NUP35: variants seen among roughly 807,000 people sequenced by gnomAD.
The protein encoded by NUP35 is nucleoporin 35.
A neutral mutation model predicts 41.5 loss-of-function variants in NUP35; 25 were observed. That is an observed-to-expected ratio of 0.60 (90% CI 0.44 to 0.84). The LOEUF (loss-of-function observed/expected upper bound fraction) is 0.84, where lower values mean the gene tolerates loss of function less well. NUP35 is among the 40% of genes least tolerant of loss of function. The pLI is 0.00. For synonymous variants in NUP35, 149 were observed against 130.7 expected (o/e 1.14, Z -0.96); for missense variants, 396 against 396.6 (o/e 1.00, Z 0.01).
chr2:183,138,498 A>G (rs1300978122), intron 4 of NUP35, among the ~76,000 whole-genome samples: 4 of 151,792 alleles, frequency 2.6e-5, no homozygotes, highest in Admixed American at 6.6e-5. Flanking sequence ...TTTTTAGAAT[A>G]TTATTTCTGG....
In NUP35 at chr2:183,133,593, CT is replaced by C. The variant is rs1490921903; in HGVS notation, c.369del (p.Val124LeufsTer42). On this transcript the variant is annotated frameshift_variant, in exon 4 of 9. Coordinates refer to ENST00000295119, the MANE Select transcript of NUP35 (RefSeq NM_138285.5). LOFTEE classifies it high-confidence loss of function. The part of the protein sequence containing the change: ...QPNISVMQSP[L>X]VGVTSTPGTG... ...AAACATTTCAGTAATGCAGAGTCCTCTTGTTGGAGTTACATCTACTCCTGGA... is the reference window on the plus strand; with the variant it reads ...AAACATTTCAGTAATGCAGAGTCCTCTGTTGGAGTTACATCTACTCCTGGA... 1 of 1,595,360 alleles carries C rather than the reference CT, an allele frequency of 6.3e-7. No homozygotes were observed. Among genetic ancestry groups the C allele is most frequent in the East Asian group, 2.3e-5 (1 of 44,140 alleles).
At chr2:183,118,131 T>C (rs188116209) in intron 1 of NUP35, among the ~76,000 whole-genome samples, 1 of 152,272 alleles carries the variant, frequency 6.6e-6, no homozygotes, top group East Asian at 1.9e-4. Context: ...TGATAATCAA[T>C]GGTCTACAAA....
chr2:183,124,539 T>G (rs768201424), intron 1 of NUP35, 42 bp downstream of exon 1: 1 of 1,612,066 alleles, frequency 6.2e-7, no homozygotes. Flanking sequence ...CTGCCATCCA[T>G]GCTCTGGGCC....
At chr2:183,129,117 A>G (rs1468446966) in intron 2 of NUP35, among the ~76,000 whole-genome samples, 1 of 152,230 alleles carries the variant, frequency 6.6e-6, no homozygotes, top group African/African-American at 2.4e-5. Flanking sequence ...AGAATAGGAA[A>G]TAATCGGTCA....
chr2:183,138,689 TCTTC>T (rs902722785), intron 4 of NUP35, among the ~76,000 whole-genome samples: 1 of 152,182 alleles, frequency 6.6e-6, no homozygotes, highest in Non-Finnish European at 1.5e-5. Flanking sequence ...CTGCTTTTCT[TCTTC>T]CTTTATATTT....
At chr2:183,145,619 A>G (rs949876222) in intron 4 of NUP35, among the ~76,000 whole-genome samples, 5 of 152,220 alleles carry the variant, frequency 3.3e-5, no homozygotes, top group African/African-American at 1.2e-4. Context: ...AGAATTTTTA[A>G]AAGTTTAATA....
intron 5 of NUP35, among the ~76,000 whole-genome samples, chr2:183,155,899 G>A (rs947854055): frequency 3.3e-5 from 5 of 151,756 alleles, no homozygotes; most frequent in Non-Finnish European, 5.9e-5. Context: ...TTTTACTTTC[G>A]TGTTTTAATA....
At chr2:183,122,312 G>A (rs1174727345), upstream of NUP35, among the ~76,000 whole-genome samples, 6 of 151,958 alleles carry the variant, frequency 3.9e-5, no homozygotes, top group Non-Finnish European at 7.4e-5. Context: ...TCCTGACCTC[G>A]TGATCCGCCC....
intron 3 of NUP35, among the ~76,000 whole-genome samples, chr2:183,132,056 C>T (rs1378531423): frequency 6.6e-6 from 1 of 152,068 alleles, no homozygotes; most frequent in East Asian, 1.9e-4. Context: ...CAGGGTCTTG[C>T]TCTATCACCC....
At position 183,146,794 on chromosome 2, in the gene NUP35, G is replaced by A. The variant is rs141543020; in HGVS notation, c.398-4714G>A. 8.8e-3 allele frequency among the ~76,000 whole-genome samples: 1,341 copies of A among 151,974 alleles called. 10 individuals carry two copies. Among genetic ancestry groups the A allele is most frequent in the Non-Finnish European group, 0.014 (938 of 67,930 alleles). ...GTATTTTTAGTAGAGATGGGGTTTCGCCATGTTGTCCAGGCTTGTCTCGAA... is the reference window on the plus strand; with the variant it reads ...GTATTTTTAGTAGAGATGGGGTTTCACCATGTTGTCCAGGCTTGTCTCGAA... On this transcript the variant is annotated intron_variant, in intron 4 of 8. Transcript: ENST00000295119.
intron 4 of NUP35, 143 bp from the exon 5 acceptor site, chr2:183,151,365 C>G (rs1031701538): frequency 2.1e-5 from 13 of 613,756 alleles, no homozygotes; most frequent in African/African-American, 1.9e-4. Flanking sequence ...CATGAAATTG[C>G]TATTTGACCA....
chr2:183,159,194 ATTT>A (rs1559158059), intron 7 of NUP35, among the ~76,000 whole-genome samples: 1 of 152,020 alleles, frequency 6.6e-6, no homozygotes, highest in Non-Finnish European at 1.5e-5. Flanking sequence ...TTCCCTAAGA[ATTT>A]TTTTGTCCTT....
At position 183,128,284 on chromosome 2, in the gene NUP35, T is replaced by G. The variant is rs757548010; in HGVS notation, c.41-3T>G. Reference sequence around the variant, plus strand: ...TCCTTAATTTATTTTTTGATTCATGTAGGATCTGAACCAATGATGCTGGGT... The same window carrying G: ...TCCTTAATTTATTTTTTGATTCATGGAGGATCTGAACCAATGATGCTGGGT... On this transcript the variant is annotated splice_polypyrimidine_tract_variant and splice_region_variant and intron_variant, in intron 1 of 8. Coordinates refer to ENST00000295119, the MANE Select transcript of NUP35 (RefSeq NM_138285.5). 5 of 1,594,274 alleles carry G rather than the reference T, an allele frequency of 3.1e-6. No homozygotes were observed. The South Asian group carries it at 5.7e-5, about 18-fold the overall frequency.
At chr2:183,125,485 A>G (rs991330736) in intron 1 of NUP35, among the ~76,000 whole-genome samples, 4 of 152,206 alleles carry the variant, frequency 2.6e-5, no homozygotes, top group Non-Finnish European at 5.9e-5. Context: ...GGTGTAAAAT[A>G]AGTTCTTTTT....
chr2:183,151,498 A>G lies in NUP35; in HGVS notation c.398-10A>G. ...CACTGGCAACTAACTTGCTAAATAT[A>G]CTAATATAGGGCAAAGTATGTTTAG... On this transcript the variant is annotated splice_polypyrimidine_tract_variant and intron_variant, in intron 4 of 8. Coordinates refer to ENST00000295119, the MANE Select transcript of NUP35 (RefSeq NM_138285.5). 1 of 1,611,634 alleles carries G rather than the reference A, an allele frequency of 6.2e-7. No homozygotes were observed. The highest frequency in any genetic ancestry group is 1.1e-5 in the South Asian group (1 of 90,420).
intron 1 of NUP35, among the ~76,000 whole-genome samples, chr2:183,125,242 GA>G (rs57773201): frequency 2.0e-5 from 3 of 151,548 alleles, no homozygotes; most frequent in Non-Finnish European, 4.4e-5. Flanking sequence ...TGTCGTCTTT[GA>G]AAAAAATCTA....
rs1179239737 is a variant in NUP35, at chr2:183,150,792, T to G, written c.398-716T>G. Among the ~76,000 whole-genome samples the G allele has an allele frequency of 7.2e-5, 11 of 152,334 alleles. No individual in the cohort carries two copies. The East Asian group carries it at 2.1e-3, about 29-fold the overall frequency. ...TGCATATTTAAGTGCTGATAAAATA[T>G]GTTTTGAATGAGTAAATCATTATTG... On this transcript the variant is annotated intron_variant, in intron 4 of 8. Coordinates refer to ENST00000295119, the MANE Select transcript of NUP35 (RefSeq NM_138285.5).
intron 4 of NUP35, among the ~76,000 whole-genome samples, chr2:183,148,038 G>A (rs994630227): frequency 6.6e-6 from 1 of 151,968 alleles, no homozygotes; most frequent in South Asian, 2.1e-4. Context: ...TTAAGCACTC[G>A]CTTATGAGTG....
chr2:183,130,335 G>A (rs1684651802), intron 2 of NUP35, 83 bp from the exon 3 acceptor site: 2 of 1,359,710 alleles, frequency 1.5e-6, no homozygotes, highest in African/African-American at 3.0e-5. Flanking sequence ...AAGATTTTAA[G>A]TCAGTATTTC....
Sources: gnomAD v4.1 joint callset for allele counts (sites outside exome capture counted in the v4.1 genomes callset) on GRCh38, gnomAD v4.1.1 for gene constraint, MANE v1.5 for transcripts, NCBI Gene and HGNC (gene_info 2026-07-23, HGNC 2026-07-21) for gene names.